Variants in IQCM observed in about 807,000 individuals in gnomAD.
The protein encoded by IQCM is IQ motif containing M, also known as IQ domain-containing protein M.
IQCM carries 45 observed loss-of-function variants against 57.6 expected under a neutral mutation model. That is an observed-to-expected ratio of 0.78 (90% CI 0.62 to 1.00). The LOEUF (loss-of-function observed/expected upper bound fraction) is 1.00. Ranked by LOEUF, IQCM falls within the 50% of genes least tolerant of loss-of-function variation. IQCM has a pLI of 0.00. For missense variants in IQCM, 468 were observed against 511.6 expected, an observed-to-expected ratio of 0.91 and a Z score of 0.82; for synonymous variants, 148 against 158.9, an observed-to-expected ratio of 0.93 and a Z score of 0.51.
intron 12 of IQCM, among the ~76,000 whole-genome samples, chr4:149,519,299 C>T (rs1745338421): frequency 1.3e-5 from 2 of 152,218 alleles, no homozygotes; most frequent in South Asian, 4.1e-4. Flanking sequence ...ATGATATTTG[C>T]TTTTCTATTA....
chr4:149,460,265 T>A (rs1738135172), intron 12 of IQCM, among the ~76,000 whole-genome samples: 1 of 152,190 alleles, frequency 6.6e-6, no homozygotes, highest in African/African-American at 2.4e-5. Flanking sequence ...TTGCCTTGGG[T>A]TGTTTTTGTG....
chr4:149,469,386 C>G (rs1472397538), intron 12 of IQCM, among the ~76,000 whole-genome samples: 3 of 151,806 alleles, frequency 2.0e-5, no homozygotes, highest in Admixed American at 2.0e-4. Flanking sequence ...GATTGAAGAT[C>G]AAATGAATGA....
intron 11 of IQCM, among the ~76,000 whole-genome samples, chr4:149,550,168 G>GT (rs1212203859): frequency 6.6e-6 from 1 of 152,140 alleles, no homozygotes; most frequent in East Asian, 1.9e-4. Flanking sequence ...CTGACTCAGG[G>GT]GAGTTGGTTG....
rs1766636773 is a variant in IQCM at position 149,733,323 on chromosome 4, G to A, written c.306C>T (p.Pro102=). The A allele has an allele frequency of 1.6e-6, 2 of 1,224,788 alleles. No individual in the cohort carries two copies. The highest frequency in any genetic ancestry group is 4.1e-5 in the South Asian group (1 of 24,282). The allele number at this position is 1,224,788 out of a possible 1,614,324, so 75.9% of individuals were successfully genotyped here. ...ELSKSEHLQE[P]PQRISFKEPH... ...GTTCCTTGAAGGAGATTCGTTGTGG[G>A]GGTTCCTGAAGATGCTCGCTTTTGG... The change falls in exon 5 of 14, where the codon CCC becomes CCT. Residue 102 remains proline (P), a synonymous_variant. Coordinates refer to ENST00000636793, the MANE Select transcript of IQCM (RefSeq NM_001363507.2).
intron 7 of IQCM, among the ~76,000 whole-genome samples, chr4:149,654,615 C>G (rs1759482251): frequency 6.6e-6 from 1 of 152,170 alleles, no homozygotes; most frequent in South Asian, 2.1e-4. Flanking sequence ...ATTACCCAGT[C>G]TCAGGTACTT....
At chr4:149,559,399 C>T (rs761591756) in intron 10 of IQCM, among the ~76,000 whole-genome samples, 10 of 152,088 alleles carry the variant, frequency 6.6e-5, no homozygotes, top group Admixed American at 2.6e-4. Flanking sequence ...CCAGCTATGC[C>T]CCAGCCCCTT....
chr4:149,733,496 C>T lies in IQCM; in HGVS notation c.133G>A (p.Gly45Ser). 8.2e-7 allele frequency: 1 copy of T among 1,224,836 alleles called. No homozygotes were observed. The highest frequency in any genetic ancestry group is 3.2e-5 in the East Asian group (1 of 31,668). 75.9% of individuals were successfully genotyped at this position (1,224,836 alleles called of 1,614,324 possible). ...YEKINENKVQ[G>S]TSINVFRKKH... ...TTTCTAAAAACATTTATAGAAGTAC[C>T]TTGAACTTTATTCTATGAATAAAAC... Residue 45 changes from glycine to serine, a missense_variant, in exon 5 of 14, where the codon GGT becomes AGT. Transcript: ENST00000636793.
chr4:149,753,925 A>T (rs1768713151), intron 2 of IQCM, among the ~76,000 whole-genome samples: 1 of 152,118 alleles, frequency 6.6e-6, no homozygotes, highest in Non-Finnish European at 1.5e-5. Context: ...AGAAAGAATA[A>T]AAATAAATCC....
At chr4:149,529,860 G>T (rs554818512) in intron 12 of IQCM, among the ~76,000 whole-genome samples, 15 of 152,130 alleles carry the variant, frequency 9.9e-5, no homozygotes, top group Admixed American at 7.9e-4. Flanking sequence ...GTCATATGAA[G>T]TCTCCATCAT....
intron 12 of IQCM, among the ~76,000 whole-genome samples, chr4:149,443,112 T>C (rs1342742634): frequency 1.3e-5 from 2 of 152,052 alleles, no homozygotes; most frequent in African/African-American, 2.4e-5. Context: ...TGGCTGATGT[T>C]ACTATTCACA....
At chr4:149,729,765 CAAT>C (rs1014136407) in intron 5 of IQCM, among the ~76,000 whole-genome samples, 2 of 152,100 alleles carry the variant, frequency 1.3e-5, no homozygotes, top group African/African-American at 4.8e-5. Context: ...ATTAGTCTCT[CAAT>C]AATGACTGCC....
chr4:149,354,363 C>CAAAAAAAAAAAAAAAAAAAAAA (rs70965178), intron 13 of IQCM, among the ~76,000 whole-genome samples: 1 of 20,254 alleles, frequency 4.9e-5, no homozygotes, highest in Non-Finnish European at 8.5e-5. Context: ...GACTCCGTCT[C>CAAAAAAAAAAAAAAAAAAAAAA]AAAAAAAAAA....
chr4:149,464,611 T>C (rs1738649222), intron 12 of IQCM, among the ~76,000 whole-genome samples: 1 of 152,168 alleles, frequency 6.6e-6, no homozygotes, highest in Non-Finnish European at 1.5e-5. Context: ...AGTATTGTTT[T>C]TGACGGGACC....
chr4:149,762,466 A>G (rs910210603), intron 2 of IQCM, among the ~76,000 whole-genome samples: 6 of 152,096 alleles, frequency 3.9e-5, no homozygotes, highest in African/African-American at 1.4e-4. Context: ...ATAGAGGGAT[A>G]TGCAAGTTTT....
chr4:149,354,372 A>AAAC (rs1288725056), intron 13 of IQCM, among the ~76,000 whole-genome samples: 3 of 138,414 alleles, frequency 2.2e-5, no homozygotes, highest in African/African-American at 2.8e-5. Context: ...TCAAAAAAAA[A>AAAC]AAAAAAAAAA....
intron 13 of IQCM, among the ~76,000 whole-genome samples, chr4:149,359,636 G>A (rs1729334282): frequency 6.6e-6 from 1 of 152,126 alleles, no homozygotes; most frequent in South Asian, 2.1e-4. Context: ...TGGATTTTCA[G>A]AAATGGGATA....
intron 2 of IQCM, among the ~76,000 whole-genome samples, chr4:149,753,552 A>G (rs535921487): frequency 6.6e-5 from 10 of 152,120 alleles, no homozygotes; most frequent in Admixed American, 5.9e-4. Context: ...AGAGAAAGAA[A>G]GATGAAATAA....
intron 13 of IQCM, among the ~76,000 whole-genome samples, chr4:149,382,039 A>G (rs1025476579): frequency 3.3e-5 from 5 of 152,178 alleles, no homozygotes; most frequent in Non-Finnish European, 5.9e-5. Context: ...TGCTGGGATT[A>G]CAGGCATGAG....
At chr4:149,687,363 G>T (rs952217146) in intron 5 of IQCM, among the ~76,000 whole-genome samples, 1 of 150,912 alleles carries the variant, frequency 6.6e-6, no homozygotes, top group Non-Finnish European at 1.5e-5. Context: ...TGCATCTGCA[G>T]ATTCAACCAA....
Sources: allele counts gnomAD v4.1 joint callset (sites outside exome capture counted in the v4.1 genomes callset), GRCh38; gene constraint gnomAD v4.1.1; transcripts MANE v1.5; gene names NCBI Gene and HGNC (gene_info 2026-07-23, HGNC 2026-07-21).